Variants in NKTR observed in about 807,000 individuals in gnomAD.
NKTR encodes the protein NK-tumor recognition protein.
NKTR carries 67 observed loss-of-function variants against 156.3 expected under a neutral mutation model. That is an observed-to-expected ratio of 0.43 (90% CI 0.35 to 0.53). NKTR has a LOEUF of 0.53. Ranked by LOEUF, NKTR falls within the 20% of genes least tolerant of loss-of-function variation. NKTR has a pLI of 0.01. For synonymous variants in NKTR, 640 were observed against 596.6 expected, an observed-to-expected ratio of 1.07 and a Z score of -1.06; for missense variants, 1,604 against 1,730.9, an observed-to-expected ratio of 0.93 and a Z score of 1.30.
In NKTR at chr3:42,638,178, AAG is replaced by A. The variant is rs777489418; in HGVS notation, c.2478_2479del (p.Lys827AlafsTer9). ...CAGGCCACACAGTCAGCCCAGGAAA[AAG>A]AGAAGCAGGGCCAAATGGAAAGAAC... On this transcript the variant is annotated frameshift_variant, in exon 13 of 17. Coordinates refer to ENST00000232978, the MANE Select transcript of NKTR (RefSeq NM_005385.4). LOFTEE classifies it high-confidence loss of function. 1.2e-6 allele frequency: 2 copies of A among 1,612,316 alleles called. No individual in the cohort carries two copies. The highest frequency in any genetic ancestry group is 1.1e-5 in the South Asian group (1 of 90,658).
intron 2 of NKTR, among the ~76,000 whole-genome samples, chr3:42,605,664 A>G (rs181655970): frequency 6.6e-6 from 1 of 152,326 alleles, no homozygotes; most frequent in East Asian, 1.9e-4. Context: ...AGTGAGGTAT[A>G]TGGGATCTGG....
intron 2 of NKTR, among the ~76,000 whole-genome samples, chr3:42,609,128 C>CAAAAA (rs34365155): frequency 4.5e-5 from 6 of 131,994 alleles, no homozygotes; most frequent in African/African-American, 1.8e-4. Context: ...ACTCATATAT[C>CAAAAA]AAAAAAAAAA....
intron 10 of NKTR, 69 bp downstream of exon 10, chr3:42,633,804 CCA>C: frequency 6.5e-7 from 1 of 1,548,396 alleles, no homozygotes; most frequent in Non-Finnish European, 8.9e-7. Context: ...TCATTGCATT[CCA>C]CACTCATGTA....
At chr3:42,643,089 A>C (rs954174057) in intron 14 of NKTR, among the ~76,000 whole-genome samples, 2 of 151,960 alleles carry the variant, frequency 1.3e-5, no homozygotes, top group Non-Finnish European at 2.9e-5. Flanking sequence ...CTTTCCCCTA[A>C]CTCCACCCAG....
intron 6 of NKTR, chr3:42,628,941 G>T: frequency 3.4e-6 from 1 of 297,942 alleles, no homozygotes; most frequent in Non-Finnish European, 5.0e-6. Context: ...GGCAGAGGTT[G>T]CATTGAGCCG....
At chr3:42,633,918 A>C (rs1709145909) in intron 10 of NKTR, among the ~76,000 whole-genome samples, 183 bp downstream of exon 10, 1 of 152,196 alleles carries the variant, frequency 6.6e-6, no homozygotes, top group Non-Finnish European at 1.5e-5. Context: ...TTATTGAGTG[A>C]TATGTACCCT....
In NKTR at chr3:42,637,740, C is replaced by T; in HGVS notation, c.2036C>T (p.Ser679Leu). ...TCGGAAAGTGATCAGAGCACTTATT[C>T]AAAATACAGTGATAGAAGTTCAGAA... ...KNSESDQSTYSKYSDRSSESS... is the reference protein window; with the variant it reads ...KNSESDQSTYLKYSDRSSESS... The change falls in exon 13 of 17, where the codon TCA becomes TTA. Residue 679 changes from serine to leucine, a missense_variant. By Grantham distance (145) the Ser-to-Leu change is moderately radical (BLOSUM62 -2). Around this residue, in one of 6 missense-constraint regions of NKTR, gnomAD observed 1,255 missense variants for 1,243.7 expected, o/e 1.01. Coordinates refer to ENST00000232978, the MANE Select transcript of NKTR (RefSeq NM_005385.4). 1 of 1,613,888 alleles carries T rather than the reference C, an allele frequency of 6.2e-7. No homozygotes were observed. The highest frequency in any genetic ancestry group is 1.1e-5 in the South Asian group (1 of 90,996).
intron 6 of NKTR, among the ~76,000 whole-genome samples, chr3:42,623,473 C>T (rs998913319): frequency 6.6e-6 from 1 of 151,884 alleles, no homozygotes; most frequent in Non-Finnish European, 1.5e-5. Flanking sequence ...TTTATGCTGG[C>T]TAGAAAGATC....
intron 15 of NKTR, chr3:42,643,654 A>G: frequency 1.5e-6 from 1 of 656,018 alleles, no homozygotes; most frequent in South Asian, 1.7e-5. Flanking sequence ...ACCAGGTTCA[A>G]ACTAACTCGT....
chr3:42,644,225 T>A (rs1710166431), intron 16 of NKTR, among the ~76,000 whole-genome samples: 2 of 152,192 alleles, frequency 1.3e-5, no homozygotes, highest in Admixed American at 1.3e-4. Flanking sequence ...AATGTTTGAA[T>A]CTAAAATGGG....
At chr3:42,603,182 A>T (rs1317078069) in intron 2 of NKTR, 1 of 150,368 alleles carries the variant, frequency 6.7e-6, no homozygotes, top group Non-Finnish European at 1.5e-5. Context: ...CCTGGGCAAT[A>T]TAGCAAGACC....
At chr3:42,620,949 T>G in intron 5 of NKTR, 3 of 900,544 alleles carry the variant, frequency 3.3e-6, no homozygotes, top group Non-Finnish European at 4.0e-6. Flanking sequence ...TAATATAACA[T>G]AATTTTTTTG....
At chr3:42,602,788 G>A (rs1462977286) in intron 2 of NKTR, 1 of 151,914 alleles carries the variant, frequency 6.6e-6, no homozygotes, top group Non-Finnish European at 1.5e-5. Context: ...GGCAGACGCG[G>A]GTGTATCATT....
intron 6 of NKTR, 106 bp downstream of exon 6, chr3:42,621,622 T>C (rs1707910150): frequency 8.9e-7 from 1 of 1,121,202 alleles, no homozygotes; most frequent in African/African-American, 1.6e-5. Context: ...TCTGTCAGCT[T>C]TATTTTTATT....
At chr3:42,640,876 G>A (rs1339001590) in intron 13 of NKTR, among the ~76,000 whole-genome samples, 1 of 152,166 alleles carries the variant, frequency 6.6e-6, no homozygotes, top group African/African-American at 2.4e-5. Flanking sequence ...AGTTCCTGTT[G>A]ATAGATGCAG....
rs372776910 is a variant in NKTR, at chr3:42,638,068, T to A, written c.2364T>A (p.Gly788=). The A allele has an allele frequency of 1.9e-6, 3 of 1,614,122 alleles. No homozygotes were observed. The African/African-American group carries it at 4.0e-5, about 22-fold the overall frequency. Residue 788 remains glycine, a synonymous_variant, in exon 13 of 17, where the codon GGT becomes GGA. Coordinates refer to ENST00000232978, the MANE Select transcript of NKTR (RefSeq NM_005385.4). The part of the protein sequence containing the change: ...EKTLHSKYVK[G]RDRSSCVRKY... ...CACTTCACAGTAAATATGTCAAAGG[T>A]AGAGACAGGTCTTCATGTGTGAGAA...
At chr3:42,613,837 G>A (rs978096742) in intron 2 of NKTR, among the ~76,000 whole-genome samples, 3 of 151,996 alleles carry the variant, frequency 2.0e-5, no homozygotes, top group Non-Finnish European at 2.9e-5. Flanking sequence ...TGGTATTTTC[G>A]GATTAAATTT....
rs546290389 is a variant in NKTR, at chr3:42,619,451, G to A, written c.242-213G>A. Reference sequence around the variant, plus strand: ...TGTTATTACTGTTTGAAATAAGTAGGTTGTGAAGATGACTTTTTTGATGGT... The same window carrying A: ...TGTTATTACTGTTTGAAATAAGTAGATTGTGAAGATGACTTTTTTGATGGT... On this transcript the variant is annotated intron_variant, in intron 4 of 16. Transcript: ENST00000232978. 2.7e-5 allele frequency: 38 copies of A among 1,382,928 alleles called. No individual in the cohort carries two copies. The East Asian group carries it at 8.4e-4, about 30-fold the overall frequency. The allele number at this position is 1,382,928 out of a possible 1,614,324, so 85.7% of individuals were successfully genotyped here. A position where few individuals can be genotyped will look rare whatever the true frequency, so the allele number is the denominator to read the frequency against.
chr3:42,617,647 A>G lies in NKTR; in HGVS notation c.133+3A>G. 6.6e-7 allele frequency: 1 copy of G among 1,525,976 alleles called. No individual in the cohort carries two copies. The highest frequency in any genetic ancestry group is 9.1e-7 in the Non-Finnish European group (1 of 1,100,320). The allele number at this position is 1,525,976 out of a possible 1,614,324, so 94.5% of individuals were successfully genotyped here. A position where few individuals can be genotyped will look rare whatever the true frequency, so the allele number is the denominator to read the frequency against. On this transcript the variant is annotated splice_donor_region_variant and intron_variant, in intron 3 of 16. Coordinates refer to ENST00000232978, the MANE Select transcript of NKTR (RefSeq NM_005385.4). ...AAACTTCCTTTGCTTGTGCTCAGGTAAGTGAATTATTATTTCCAATGAGAA... is the reference window on the plus strand; with the variant it reads ...AAACTTCCTTTGCTTGTGCTCAGGTGAGTGAATTATTATTTCCAATGAGAA...
Sources: gnomAD v4.1 joint callset for allele counts (sites outside exome capture counted in the v4.1 genomes callset) on GRCh38, gnomAD v4.1.1 for gene constraint, gnomAD v4.1.1 regional missense constraint, MANE v1.5 for transcripts, NCBI Gene and HGNC (gene_info 2026-07-23, HGNC 2026-07-21) for gene names.